The following SPOCK3 variants were observed in gnomAD, a reference collection of about 807,000 sequenced individuals.
SPOCK3 encodes SPARC (osteonectin), cwcv and kazal like domains proteoglycan 3.
A neutral mutation model predicts 56.6 loss-of-function variants in SPOCK3; 30 were observed. The observed-to-expected ratio is 0.53, with a 90% CI of 0.40 to 0.72. The LOEUF is 0.72. Among genes scored for constraint, SPOCK3 ranks in the 30% least tolerant of loss-of-function variants. The pLI is 0.00. For missense variants in SPOCK3, 527 were observed against 530.0 expected (o/e 0.99, Z 0.06); for synonymous variants, 196 against 183.3 (o/e 1.07, Z -0.56).
At chr4:166,993,638 T>C (rs1748039674) in intron 4 of SPOCK3, among the ~76,000 whole-genome samples, 1 of 152,186 alleles carries the variant, frequency 6.6e-6, no homozygotes, top group Non-Finnish European at 1.5e-5. Context: ...TCATATCCTA[T>C]GATCATGACA....
chr4:166,885,427 C>G (rs540124277), intron 6 of SPOCK3, among the ~76,000 whole-genome samples: 1 of 148,610 alleles, frequency 6.7e-6, no homozygotes, highest in African/African-American at 2.5e-5. Context: ...AGAACATAAA[C>G]ATTTTCATAT....
chr4:167,075,925 G>T (rs1245519482), intron 2 of SPOCK3, among the ~76,000 whole-genome samples: 1 of 151,912 alleles, frequency 6.6e-6, no homozygotes, highest in African/African-American at 2.4e-5. Context: ...AAATATGTTT[G>T]CACATTTAAA....
intron 6 of SPOCK3, among the ~76,000 whole-genome samples, chr4:166,815,872 A>C (rs2126741812): frequency 6.6e-6 from 1 of 152,246 alleles, no homozygotes; most frequent in Middle Eastern, 3.4e-3. Context: ...AGATGAGGAA[A>C]CTGAGACTTA....
At chr4:166,947,637 C>A (rs2150028150) in intron 4 of SPOCK3, among the ~76,000 whole-genome samples, 1 of 152,180 alleles carries the variant, frequency 6.6e-6, no homozygotes, top group South Asian at 2.1e-4. Flanking sequence ...AACTCACCAG[C>A]ACTCATTAAA....
intron 6 of SPOCK3, among the ~76,000 whole-genome samples, chr4:166,856,780 TTATCTATC>T (rs75127358): frequency 4.1e-3 from 619 of 149,382 alleles, no homozygotes; most frequent in African/African-American, 7.9e-3. Context: ...CTCAAAAAAA[TTATCTATC>T]TATCTATCTA....
At chr4:167,087,451 C>T (rs766259170) in intron 2 of SPOCK3, among the ~76,000 whole-genome samples, 1 of 152,178 alleles carries the variant, frequency 6.6e-6, no homozygotes, top group South Asian at 2.1e-4. Flanking sequence ...ACAGTAAGAA[C>T]CACTGATAGA....
In SPOCK3 at chr4:166,961,267, A is replaced by G. The variant is rs575980573; in HGVS notation, c.350+39082T>C. On this transcript the variant is annotated intron_variant, in intron 4 of 10. Coordinates refer to ENST00000357545, the MANE Select transcript of SPOCK3 (RefSeq NM_001040159.2). ...CACGAAATTAAAAAAAAAAACTGCA[A>G]AATTTTAAAACATGAGTGCATAGAA... 2.4e-4 allele frequency among the ~76,000 whole-genome samples: 37 copies of G among 152,048 alleles called. 1 individual carries two copies. Among genetic ancestry groups the G allele is most frequent in the African/African-American group, 8.9e-4 (37 of 41,474 alleles).
chr4:166,915,260 T>C (rs1433513096), intron 4 of SPOCK3, among the ~76,000 whole-genome samples: 3 of 152,124 alleles, frequency 2.0e-5, no homozygotes, highest in African/African-American at 4.8e-5. Flanking sequence ...CCATGGCAGG[T>C]GTATGTGTAT....
Position 167,191,520 on chromosome 4 carries a change from T to C in SPOCK3, c.189+42465A>G, listed in dbSNP as rs1732468872. Among the ~76,000 whole-genome samples the C allele has an allele frequency of 1.4e-5, 2 of 145,976 alleles. 1 individual carries two copies. Among genetic ancestry groups the C allele is most frequent in the Admixed American group, 1.4e-4 (2 of 14,250 alleles). On this transcript the variant is annotated intron_variant, in intron 2 of 10. Coordinates refer to ENST00000357545, the MANE Select transcript of SPOCK3 (RefSeq NM_001040159.2). ...GGATTTTTCAATTCCTTGGTTAAAT[T>C]TATTACTAGGCATTTTATTCTTTTT...
chr4:166,741,185 T>C (rs1391832966), intron 9 of SPOCK3, among the ~76,000 whole-genome samples: 2 of 152,140 alleles, frequency 1.3e-5, no homozygotes, highest in East Asian at 1.9e-4. Flanking sequence ...AATTCTAAAA[T>C]AGAAAAAGAA....
At chr4:166,952,722 G>A (rs1742831785) in intron 4 of SPOCK3, among the ~76,000 whole-genome samples, 1 of 152,132 alleles carries the variant, frequency 6.6e-6, no homozygotes. Context: ...CATGGTACTG[G>A]TACCAAAACA....
At chr4:167,165,028 A>G (rs1176748002) in intron 2 of SPOCK3, among the ~76,000 whole-genome samples, 1 of 152,172 alleles carries the variant, frequency 6.6e-6, no homozygotes, top group East Asian at 1.9e-4. Flanking sequence ...GTGTTCCACA[A>G]TGGTTGAACT....
chr4:166,891,141 A>C (rs1734733997), intron 5 of SPOCK3, among the ~76,000 whole-genome samples: 1 of 151,914 alleles, frequency 6.6e-6, no homozygotes, highest in African/African-American at 2.4e-5. Flanking sequence ...TTTTGAGCCT[A>C]TGTGTGCTCC....
chr4:166,735,932 A>G (rs957970066), intron 10 of SPOCK3, among the ~76,000 whole-genome samples: 1 of 133,544 alleles, frequency 7.5e-6, no homozygotes, highest in Non-Finnish European at 1.7e-5. Context: ...AATATTTTAA[A>G]AATAACTATT....
At chr4:167,171,551 A>G (rs543338759) in intron 2 of SPOCK3, among the ~76,000 whole-genome samples, 1 of 152,304 alleles carries the variant, frequency 6.6e-6, no homozygotes, top group South Asian at 2.1e-4. Flanking sequence ...TAATAATATA[A>G]TGTACTCATT....
intron 2 of SPOCK3, among the ~76,000 whole-genome samples, chr4:167,100,711 C>T (rs1465874945): frequency 1.3e-5 from 2 of 152,006 alleles, no homozygotes; most frequent in African/African-American, 4.8e-5. Context: ...TTATTGTATG[C>T]TAATTATTTA....
At chr4:166,990,060 C>T (rs1747606193) in intron 4 of SPOCK3, among the ~76,000 whole-genome samples, 1 of 152,060 alleles carries the variant, frequency 6.6e-6, no homozygotes, top group African/African-American at 2.4e-5. Flanking sequence ...AGAAGTAATC[C>T]CATGATCTCA....
At chr4:166,852,679 G>C (rs1371523040) in intron 6 of SPOCK3, among the ~76,000 whole-genome samples, 1 of 152,060 alleles carries the variant, frequency 6.6e-6, no homozygotes, top group Non-Finnish European at 1.5e-5. Flanking sequence ...TGCTTCCCAG[G>C]CTGTCAGTAT....
At chr4:167,031,081 T>G (rs1449350562) in intron 3 of SPOCK3, among the ~76,000 whole-genome samples, 2 of 152,088 alleles carry the variant, frequency 1.3e-5, no homozygotes, top group African/African-American at 2.4e-5. Flanking sequence ...AAAATTTGGA[T>G]TTAATCTTCA....
Sources: allele counts gnomAD v4.1 joint callset (sites outside exome capture counted in the v4.1 genomes callset), GRCh38; gene constraint gnomAD v4.1.1; transcripts MANE v1.5; gene names NCBI Gene and HGNC (gene_info 2026-07-23, HGNC 2026-07-21).